The following THOC5 variants were observed in gnomAD, a reference collection of about 807,000 sequenced individuals.
THOC5 encodes the protein THO complex subunit 5.
THOC5 carries 43 observed loss-of-function variants against 92.9 expected under a neutral mutation model. The ratio of observed to expected loss-of-function variants is 0.46; its 90% confidence interval spans 0.36 to 0.60. The LOEUF (loss-of-function observed/expected upper bound fraction) is 0.60. THOC5 is among the 20% of genes least tolerant of loss of function. The pLI is 0.00. For missense variants in THOC5, 659 were observed against 849.4 expected (o/e 0.78, Z 2.79); for synonymous variants, 296 against 320.1 (o/e 0.92, Z 0.80).
At chr22:29,533,034 C>T (rs2063686856) in intron 7 of THOC5, among the ~76,000 whole-genome samples, 1 of 152,090 alleles carries the variant, frequency 6.6e-6, no homozygotes, top group Non-Finnish European at 1.5e-5. Context: ...TACACAAAAA[C>T]CTGAGAAATG....
At chr22:29,522,728 C>T (rs1032561801) in intron 12 of THOC5, among the ~76,000 whole-genome samples, 7 of 152,110 alleles carry the variant, frequency 4.6e-5, no homozygotes, top group African/African-American at 2.4e-5. Context: ...AGTGGCCGGG[C>T]GTGGTGGCTC....
chr22:29,528,749 TAATAATAGTAACACA>T (rs1176849622), intron 9 of THOC5, among the ~76,000 whole-genome samples: 1 of 152,134 alleles, frequency 6.6e-6, no homozygotes, highest in Non-Finnish European at 1.5e-5. Context: ...GTGGCTGTGG[TAATAATAGTAACACA>T]AATAATAATA....
At position 29,506,669 on chromosome 22, in the gene THOC5, T is replaced by C. The variant is rs150540332; in HGVS notation, c.*1788A>G. The C allele has an allele frequency of 7.0e-3, 1,067 of 152,426 alleles. 13 individuals carry two copies. Among genetic ancestry groups the C allele is most frequent in the Middle Eastern group, 0.044 (13 of 296 alleles). 9.4% of individuals were successfully genotyped at this position (152,426 alleles called of 1,614,324 possible). On this transcript the variant is annotated 3_prime_UTR_variant, in exon 20 of 20. Coordinates refer to ENST00000490103, the MANE Select transcript of THOC5 (RefSeq NM_003678.5). ...CAGCCTGGACAACAGAGCAAGACCC[T>C]GTCTCAATAAAAAAAAAATATTCTC...
At chr22:29,532,701 G>A (rs2063680642) in intron 7 of THOC5, among the ~76,000 whole-genome samples, 1 of 151,218 alleles carries the variant, frequency 6.6e-6, no homozygotes. Context: ...AAGCAGGCTG[G>A]GTGCAGTGGC....
intron 2 of THOC5, 39 bp from the exon 3 acceptor site, chr22:29,544,642 A>G (rs756817792): frequency 1.3e-6 from 2 of 1,518,500 alleles, no homozygotes; most frequent in Admixed American, 4.1e-5. Flanking sequence ...TGCATGGGGT[A>G]AAAGTCTCCC....
chr22:29,533,901 T>G (rs1407939262), intron 7 of THOC5, among the ~76,000 whole-genome samples: 1 of 152,208 alleles, frequency 6.6e-6, no homozygotes, highest in African/African-American at 2.4e-5. Flanking sequence ...TGTAAATCGG[T>G]ACAACCAGTT....
chr22:29,528,007 C>T lies in THOC5; in HGVS notation c.1066+71G>A, dbSNP rs117357169. 188 of 1,477,702 alleles carry T rather than the reference C, an allele frequency of 1.3e-4. No homozygotes were observed. The East Asian group carries it at 4.1e-3, about 32-fold the overall frequency. The allele number at this position is 1,477,702 out of a possible 1,614,324, so 91.5% of individuals were successfully genotyped here. On this transcript the variant is annotated intron_variant, in intron 11 of 19. Coordinates refer to ENST00000490103, the MANE Select transcript of THOC5 (RefSeq NM_003678.5). ...GGCAAATGGGTGTTTGGCTCCCGGA[C>T]CCTCTGCACCTGCAGCTGGGTGAAC...
chr22:29,537,199 C>T (rs2063776486), intron 6 of THOC5, among the ~76,000 whole-genome samples: 1 of 152,248 alleles, frequency 6.6e-6, no homozygotes, highest in Non-Finnish European at 1.5e-5. Flanking sequence ...ATGGACTGGC[C>T]TGGTTAGCAC....
At chr22:29,530,252 TG>T (rs1391034199) in intron 8 of THOC5, among the ~76,000 whole-genome samples, 2 of 152,004 alleles carry the variant, frequency 1.3e-5, no homozygotes, top group Non-Finnish European at 2.9e-5. Context: ...ATTTTTAGGC[TG>T]GGTGTGGTGG....
rs2063159447 is a variant in THOC5 at position 29,508,408 on chromosome 22, C to T, written c.*49G>A. 6.3e-7 allele frequency: 1 copy of T among 1,576,920 alleles called. No homozygotes were observed. Among genetic ancestry groups the T allele is most frequent in the South Asian group, 1.1e-5 (1 of 90,072 alleles). The stretch of plus-strand genomic sequence containing the variant: ...GTGGGCCAGAGCAGAAAGCAGAAGC[C>T]CAGTGCTCAGGGTGAGGCCTTGGGG... On this transcript the variant is annotated 3_prime_UTR_variant, in exon 20 of 20. Transcript: ENST00000490103.
chr22:29,539,474 G>T lies in THOC5; in HGVS notation c.455C>A (p.Ser152Ter). ...GACCAGATCAATTTCTTCATGCTTT[G>T]ACCTACAGACAAAAACATGACATCA... ...KEITKCLEFK[S>*]KHEEIDLVSL... The change falls in exon 6 of 20, where the codon TCA (serine) becomes TAA (stop). Residue 152 changes from serine (S) to a stop codon, truncating the protein, a stop_gained and splice_region_variant. Coordinates refer to ENST00000490103, the MANE Select transcript of THOC5 (RefSeq NM_003678.5). LOFTEE classifies it high-confidence loss of function. The T allele has an allele frequency of 6.2e-7, 1 of 1,612,156 alleles. No homozygotes were observed. Among genetic ancestry groups the T allele is most frequent in the South Asian group, 1.1e-5 (1 of 90,972 alleles).
intron 12 of THOC5, 61 bp downstream of exon 12, chr22:29,525,777 C>T: frequency 7.3e-7 from 1 of 1,369,096 alleles, no homozygotes; most frequent in Non-Finnish European, 1.0e-6. Context: ...AGCAGCCCCA[C>T]AATGAGGCTC....
At chr22:29,547,778 C>G (rs75911748) in intron 2 of THOC5, among the ~76,000 whole-genome samples, 1 of 152,186 alleles carries the variant, frequency 6.6e-6, no homozygotes, top group Admixed American at 6.5e-5. Context: ...TGCCTGTTAC[C>G]CAGTGCCAAA....
chr22:29,526,315 G>A (rs1381231842), intron 11 of THOC5, among the ~76,000 whole-genome samples: 1 of 152,140 alleles, frequency 6.6e-6, no homozygotes, highest in Non-Finnish European at 1.5e-5. Context: ...GGCAGATCAT[G>A]AAGTCAGGAG....
chr22:29,548,306 A>G (rs998119131), intron 2 of THOC5, among the ~76,000 whole-genome samples: 2 of 152,156 alleles, frequency 1.3e-5, no homozygotes, highest in Admixed American at 6.6e-5. Flanking sequence ...CTATAATCCC[A>G]ATACCTTGGG....
In THOC5 at chr22:29,542,853, A is replaced by G; in HGVS notation, c.452+6T>C. 6.2e-7 allele frequency: 1 copy of G among 1,607,656 alleles called. No homozygotes were observed. The highest frequency in any genetic ancestry group is 2.2e-5 in the East Asian group (1 of 44,786). ...ATGTGCCAAAGCCCTGTCCTCCCAA[A>G]CTCACTTAAACTCCAAACATTTGGT... On this transcript the variant is annotated splice_donor_region_variant and intron_variant, in intron 5 of 19. Coordinates refer to ENST00000490103, the MANE Select transcript of THOC5 (RefSeq NM_003678.5).
chr22:29,525,259 T>C (rs776667024), intron 12 of THOC5, among the ~76,000 whole-genome samples: 1 of 152,004 alleles, frequency 6.6e-6, no homozygotes, highest in Non-Finnish European at 1.5e-5. Context: ...CTGGGCAACA[T>C]AGTGAGACTG....
Position 29,521,085 on chromosome 22 carries a change from G to A in THOC5, c.1190C>T (p.Pro397Leu), listed in dbSNP as rs1371047488. The change falls in exon 13 of 20, where the codon CCT (proline) becomes CTT (leucine). Residue 397 changes from proline (P) to leucine (L), a missense_variant. Coordinates refer to ENST00000490103, the MANE Select transcript of THOC5 (RefSeq NM_003678.5). Reference sequence around the variant, plus strand: ...ATACAAGCAACTCAGGACTGAGTCAGGAGACAGCAAGTCACTAGAAAAGGA... The same window carrying A: ...ATACAAGCAACTCAGGACTGAGTCAAGAGACAGCAAGTCACTAGAAAAGGA... The part of the protein sequence containing the change: ...TPISAGDLLS[P>L]DSVLSCLYPG... The A allele has an allele frequency of 6.2e-7, 1 of 1,613,554 alleles. No homozygotes were observed. Among genetic ancestry groups the A allele is most frequent in the South Asian group, 1.1e-5 (1 of 91,030 alleles).
intron 5 of THOC5, among the ~76,000 whole-genome samples, chr22:29,539,792 A>C (rs2063841264): frequency 6.6e-6 from 1 of 152,178 alleles, no homozygotes; most frequent in African/African-American, 2.4e-5. Flanking sequence ...AAGTAAAAAC[A>C]CTACAGCCTG....
Sources: allele counts gnomAD v4.1 joint callset (sites outside exome capture counted in the v4.1 genomes callset), GRCh38; gene constraint gnomAD v4.1.1; transcripts MANE v1.5; gene names NCBI Gene and HGNC (gene_info 2026-07-23, HGNC 2026-07-21).